The following CALD1 variants were observed in gnomAD, a reference collection of about 807,000 sequenced individuals.
CALD1 encodes caldesmon 1.
A neutral mutation model predicts 99.9 loss-of-function variants in CALD1; 33 were observed. The observed-to-expected ratio is 0.33, with a 90% CI of 0.25 to 0.44. The LOEUF (loss-of-function observed/expected upper bound fraction) is 0.44, where lower values mean the gene tolerates loss of function less well. Among genes scored for constraint, CALD1 ranks in the 20% least tolerant of loss-of-function variants. CALD1 has a pLI of 1.00. For synonymous variants in CALD1, 310 were observed against 325.0 expected, an observed-to-expected ratio of 0.95 and a Z score of 0.50; for missense variants, 861 against 962.1, an observed-to-expected ratio of 0.89 and a Z score of 1.39.
chr7:134,913,256 A>C (rs1160798607), intron 3 of CALD1, among the ~76,000 whole-genome samples: 1 of 152,180 alleles, frequency 6.6e-6, no homozygotes, highest in Admixed American at 6.5e-5. Context: ...ACAAGAGTGA[A>C]TCTCCATCTC....
intron 2 of CALD1, among the ~76,000 whole-genome samples, chr7:134,856,089 C>A (rs1015804966): frequency 6.6e-6 from 1 of 152,198 alleles, no homozygotes; most frequent in Non-Finnish European, 1.5e-5. Flanking sequence ...TTCTACGAAG[C>A]GAACAAGGAT....
In CALD1 at chr7:134,947,424, G is replaced by C. The variant is rs900977802; in HGVS notation, c.1533-84G>C. On this transcript the variant is annotated intron_variant, in intron 7 of 14. Transcript: ENST00000361675. Reference sequence around the variant, plus strand: ...CAGTGGGTATTTAGTCGGGGATGCAGAAGCCGCAGACCGACCTCCCCTTCC... The same window carrying C: ...CAGTGGGTATTTAGTCGGGGATGCACAAGCCGCAGACCGACCTCCCCTTCC... 5.5e-5 allele frequency: 76 copies of C among 1,386,670 alleles called. No individual in the cohort carries two copies. In the Middle Eastern group the frequency reaches 7.7e-4, roughly 14 times the overall value. The allele number at this position is 1,386,670 out of a possible 1,614,324, so 85.9% of individuals were successfully genotyped here. A position where few individuals can be genotyped will look rare whatever the true frequency, so the allele number is the denominator to read the frequency against.
chr7:134,805,875 C>G (rs994296703), intron 1 of CALD1, among the ~76,000 whole-genome samples: 3 of 152,158 alleles, frequency 2.0e-5, no homozygotes, highest in Non-Finnish European at 4.4e-5. Flanking sequence ...ATTCTCCTGC[C>G]TCAGCCTCCC....
intron 4 of CALD1, among the ~76,000 whole-genome samples, chr7:134,929,344 C>A (rs1034892564): frequency 6.6e-6 from 1 of 151,818 alleles, no homozygotes; most frequent in Middle Eastern, 3.4e-3. Context: ...GCACTCGTCA[C>A]CCGAGCAGTA....
At position 134,958,677 on chromosome 7, in the gene CALD1, T is replaced by A. The variant is rs551548405; in HGVS notation, c.2061+387T>A. On this transcript the variant is annotated intron_variant, in intron 11 of 14. Coordinates refer to ENST00000361675, the MANE Select transcript of CALD1 (RefSeq NM_033138.4). ...CGCCTTGGCCTCCCAAAGCCGAATG[T>A]GAGCCACCACACCTGGCCCCCAATA... is the stretch of plus-strand genomic sequence containing the variant. 2.0e-5 allele frequency among the ~76,000 whole-genome samples: 3 copies of A among 151,948 alleles called. No individual in the cohort carries two copies. In the South Asian group the frequency reaches 6.2e-4, roughly 32 times the overall value.
At chr7:134,932,055 AACAG>A (rs1284878711) in intron 4 of CALD1, among the ~76,000 whole-genome samples, 1 of 152,188 alleles carries the variant, frequency 6.6e-6, no homozygotes, top group Admixed American at 6.5e-5. Context: ...CTGATCTACC[AACAG>A]ACAGAGATAG....
intron 6 of CALD1, 128 bp from the exon 7 acceptor site, chr7:134,940,961 TACC>T (rs1584627382): frequency 1.5e-6 from 1 of 658,260 alleles, no homozygotes. Context: ...ATTCCAACTC[TACC>T]ACATCTGAGT....
rs544313474 is a variant in CALD1 at position 134,955,069 on chromosome 7, C to T, written c.1936-3000C>T. 3.9e-5 allele frequency among the ~76,000 whole-genome samples: 6 copies of T among 152,242 alleles called. No homozygotes were observed. In the South Asian group the frequency reaches 1.0e-3, roughly 26 times the overall value. On this transcript the variant is annotated intron_variant, in intron 9 of 14. Transcript: ENST00000361675. ...TTATTTTATATACTTTACTAGTCTT[C>T]CCTACTAAATTCTGTGTTCCTTAAA...
At chr7:134,960,511 T>G (rs1269711748) in intron 12 of CALD1, 22 bp from the exon 13 acceptor site, 2 of 1,435,142 alleles carry the variant, frequency 1.4e-6, no homozygotes, top group Non-Finnish European at 2.0e-6. Context: ...CTTTAATATT[T>G]TGGATGATTG....
intron 3 of CALD1, among the ~76,000 whole-genome samples, chr7:134,879,337 T>A (rs1801491996): frequency 1.3e-5 from 2 of 152,232 alleles, no homozygotes; most frequent in Admixed American, 1.3e-4. Flanking sequence ...TAAAATCAGT[T>A]CTTTCCACTA....
chr7:134,907,307 A>G (rs1011227400), intron 3 of CALD1, among the ~76,000 whole-genome samples: 1 of 152,178 alleles, frequency 6.6e-6, no homozygotes, highest in Non-Finnish European at 1.5e-5. Flanking sequence ...TTGTGAGAAG[A>G]GGAAGAAGGT....
chr7:134,776,911 G>T (rs1796923006), upstream of CALD1, among the ~76,000 whole-genome samples: 1 of 152,010 alleles, frequency 6.6e-6, no homozygotes, highest in African/African-American at 2.4e-5. Flanking sequence ...AAAATATAAA[G>T]AATCGTCCAG....
intron 1 of CALD1, chr7:134,745,520 T>C (rs1323175900): frequency 6.6e-6 from 1 of 152,164 alleles, no homozygotes; most frequent in Non-Finnish European, 1.5e-5. Flanking sequence ...GTGCCTTCCT[T>C]GAAGAATTGA....
At chr7:134,775,755 G>C (rs370143200), upstream of CALD1, among the ~76,000 whole-genome samples, 8 of 151,812 alleles carry the variant, frequency 5.3e-5, no homozygotes, top group East Asian at 1.2e-3. Flanking sequence ...GGATTACTTT[G>C]AGGAGAATAT....
At chr7:134,771,380 A>G (rs1012802975) in intron 1 of CALD1, among the ~76,000 whole-genome samples, 5 of 152,148 alleles carry the variant, frequency 3.3e-5, no homozygotes, top group African/African-American at 1.2e-4. Context: ...GTTCTATTCA[A>G]TAGCACTCCC....
chr7:134,961,824 T>C (rs1230513301), intron 13 of CALD1: 1 of 152,172 alleles, frequency 6.6e-6, no homozygotes, highest in Non-Finnish European at 1.5e-5. Flanking sequence ...ATGTGCTCTT[T>C]AGTGCCTCAA....
chr7:134,904,097 C>G (rs1803194546), intron 3 of CALD1, among the ~76,000 whole-genome samples: 1 of 151,904 alleles, frequency 6.6e-6, no homozygotes, highest in African/African-American at 2.4e-5. Flanking sequence ...GTGGTGCATG[C>G]CTGTAATCCC....
intron 1 of CALD1, among the ~76,000 whole-genome samples, chr7:134,796,467 C>A (rs890035672): frequency 3.3e-5 from 5 of 152,188 alleles, no homozygotes; most frequent in Admixed American, 2.6e-4. Flanking sequence ...AAAGGACACA[C>A]CCCATATTCA....
chr7:134,830,672 C>T (rs1799184780), intron 1 of CALD1, among the ~76,000 whole-genome samples: 1 of 152,118 alleles, frequency 6.6e-6, no homozygotes. Context: ...ATTTAGTTTT[C>T]TGTTCCTGCG....
Sources: allele counts gnomAD v4.1 joint callset (sites outside exome capture counted in the v4.1 genomes callset), GRCh38; gene constraint gnomAD v4.1.1; transcripts MANE v1.5; gene names NCBI Gene and HGNC (gene_info 2026-07-23, HGNC 2026-07-21).